The following DISP3 variants were observed in gnomAD, a reference collection of about 807,000 sequenced individuals.
DISP3 encodes the protein dispatched RND transporter family member 3, also known as protein dispatched homolog 3.
A neutral mutation model predicts 135.3 loss-of-function variants in DISP3; 101 were observed. The observed-to-expected ratio is 0.75, with a 90% CI of 0.64 to 0.88. DISP3 has a LOEUF of 0.88. Among genes scored for constraint, DISP3 ranks in the 40% least tolerant of loss-of-function variants. DISP3 has a pLI of 0.00. For synonymous variants in DISP3, 856 were observed against 817.0 expected (o/e 1.05, Z -0.81); for missense variants, 1,713 against 1,878.6 (o/e 0.91, Z 1.63).
At position 11,520,822 on chromosome 1, in the gene DISP3, AG is replaced by A. The variant is rs1642166113; in HGVS notation, c.2339del (p.Gly780AlafsTer57). On this transcript the variant is annotated frameshift_variant, in exon 10 of 21. Transcript: ENST00000294484. LOFTEE classifies it high-confidence loss of function. This position sits in a 1 kb window ranked among gnomAD's most constrained non-coding sequence, Gnocchi z 4.8. ...GACCTCAAGTACAACCTGAGCGCCG[AG>A]GGCATCTCCTGCATCACCTGTTCAG... Reference protein sequence around the residue: ...LLDLKYNLSAEGISCITCSGL... With the variant: ...LLDLKYNLSAXGISCITCSGL... 6.2e-7 allele frequency: 1 copy of A among 1,610,886 alleles called. No individual in the cohort carries two copies. The highest frequency in any genetic ancestry group is 8.5e-7 in the Non-Finnish European group (1 of 1,178,928).
chr1:11,522,889 CA>C (rs1557615669), intron 10 of DISP3, among the ~76,000 whole-genome samples: 9 of 123,904 alleles, frequency 7.3e-5, no homozygotes, highest in East Asian at 5.3e-4. Flanking sequence ...AGAGCCCAGC[CA>C]GGACCCAGCC....
chr1:11,527,346 G>A (rs146535207), intron 13 of DISP3, among the ~76,000 whole-genome samples: 7 of 152,098 alleles, frequency 4.6e-5, no homozygotes, highest in Admixed American at 6.5e-5. Context: ...TCAGCCGATC[G>A]AGACCATCCT....
chr1:11,512,876 G>GC (rs1641896429), intron 3 of DISP3, among the ~76,000 whole-genome samples: 1 of 152,108 alleles, frequency 6.6e-6, no homozygotes, highest in Non-Finnish European at 1.5e-5. Flanking sequence ...GAGGCAAAAG[G>GC]CACTTCTTAC....
chr1:11,488,679 G>A (rs985952331), intron 1 of DISP3, among the ~76,000 whole-genome samples: 10 of 150,850 alleles, frequency 6.6e-5, no homozygotes, highest in Admixed American at 4.6e-4. Flanking sequence ...TTGCAGACAC[G>A]TGCGTGCATG....
chr1:11,533,152 C>T (rs1288945342), intron 17 of DISP3, among the ~76,000 whole-genome samples: 1 of 152,056 alleles, frequency 6.6e-6, no homozygotes, highest in East Asian at 1.9e-4. Flanking sequence ...CCCCCTCCCA[C>T]AGCCACTGGC....
chr1:11,501,780 T>C lies in DISP3; in HGVS notation c.788T>C (p.Val263Ala). The change falls in exon 2 of 21, where the codon GTG (valine) becomes GCG (alanine). Residue 263 changes from valine to alanine, a missense_variant. Physicochemically the swap from Val to Ala is moderately conservative, Grantham distance 64 (BLOSUM62 0). This residue lies in a region of DISP3 where 571 missense variants were observed against 494.1 expected (regional missense o/e 1.16). Coordinates refer to ENST00000294484, the MANE Select transcript of DISP3 (RefSeq NM_020780.2). This position sits in a 1 kb window ranked among gnomAD's most constrained non-coding sequence, Gnocchi z 4.9. ...ASRWDYSRAYVSANTQTHAHW... is the reference protein window; with the variant it reads ...ASRWDYSRAYASANTQTHAHW... ...CGCTGGGACTACTCGCGCGCCTATGTGAGTGCCAACACTCAGACGCACGCG... is the reference window on the plus strand; with the variant it reads ...CGCTGGGACTACTCGCGCGCCTATGCGAGTGCCAACACTCAGACGCACGCG... 6.3e-7 allele frequency: 1 copy of C among 1,598,116 alleles called. No homozygotes were observed.
rs147583284 is a variant in DISP3, at chr1:11,496,607, C to T, written c.-3-4383C>T. Among the ~76,000 whole-genome samples the T allele has an allele frequency of 7.9e-4, 120 of 152,316 alleles. 1 individual carries two copies. The highest frequency in any genetic ancestry group is 3.4e-3 in the Middle Eastern group (1 of 294). On this transcript the variant is annotated intron_variant, in intron 1 of 20. Coordinates refer to ENST00000294484, the MANE Select transcript of DISP3 (RefSeq NM_020780.2). Reference sequence around the variant, plus strand: ...CCTTGCTAAGCTAATCAATTCCCATCATTTGAGGAAGGAAAACAAATTTAC... The same window carrying T: ...CCTTGCTAAGCTAATCAATTCCCATTATTTGAGGAAGGAAAACAAATTTAC...
In DISP3 at chr1:11,536,736, C is replaced by T. The variant is rs1356549852; in HGVS notation, c.*50C>T. On this transcript the variant is annotated 3_prime_UTR_variant, in exon 21 of 21. Coordinates refer to ENST00000294484, the MANE Select transcript of DISP3 (RefSeq NM_020780.2). This position sits in a 1 kb window ranked among gnomAD's most constrained non-coding sequence, Gnocchi z 4.3. ...CACCTTTGGTCCCATGGGTGGGGGA[C>T]AGGAGCTGCTTCCCAGCTCGACTTC... 1 of 1,465,376 alleles carries T rather than the reference C, an allele frequency of 6.8e-7. No homozygotes were observed. Among genetic ancestry groups the T allele is most frequent in the Non-Finnish European group, 9.0e-7 (1 of 1,112,148 alleles). The allele number at this position is 1,465,376 out of a possible 1,614,324, so 90.8% of individuals were successfully genotyped here.
Position 11,523,934 on chromosome 1 carries a change from G to T in DISP3, c.2363-8G>T. The T allele has an allele frequency of 1.2e-6, 2 of 1,608,136 alleles. No individual in the cohort carries two copies. Among genetic ancestry groups the T allele is most frequent in the Non-Finnish European group, 1.7e-6 (2 of 1,175,650 alleles). ...TCCTGCTGTCCTTGACATGGCGCTG[G>T]GGGGCAGGTCTGTTCCAGGAGAAGC... On this transcript the variant is annotated splice_region_variant and splice_polypyrimidine_tract_variant and intron_variant, in intron 10 of 20. Coordinates refer to ENST00000294484, the MANE Select transcript of DISP3 (RefSeq NM_020780.2).
chr1:11,484,662 T>C (rs1640987812), intron 1 of DISP3, among the ~76,000 whole-genome samples: 1 of 152,210 alleles, frequency 6.6e-6, no homozygotes, highest in African/African-American at 2.4e-5. Flanking sequence ...TTCCTCCCTC[T>C]GAGCAAACCA....
At chr1:11,517,963 C>T (rs1256468821) in intron 7 of DISP3, among the ~76,000 whole-genome samples, 2 of 152,182 alleles carry the variant, frequency 1.3e-5, no homozygotes, top group Non-Finnish European at 2.9e-5. Flanking sequence ...TGGATTTAAA[C>T]CCAAGAACTC....
intron 19 of DISP3, 66 bp downstream of exon 19, chr1:11,535,190 G>T: frequency 7.0e-7 from 1 of 1,421,968 alleles, no homozygotes; most frequent in Admixed American, 2.0e-5. Context: ...CTCCCCGGTG[G>T]CCCCAGGTAG....
intron 3 of DISP3, among the ~76,000 whole-genome samples, chr1:11,503,636 G>C (rs1427887065): frequency 1.3e-5 from 2 of 152,054 alleles, no homozygotes; most frequent in Non-Finnish European, 2.9e-5. Context: ...CATCCAGTTG[G>C]ACAGTGCCCA....
At chr1:11,524,580 G>A (rs1458290875) in intron 11 of DISP3, among the ~76,000 whole-genome samples, 2 of 150,372 alleles carry the variant, frequency 1.3e-5, no homozygotes, top group African/African-American at 4.9e-5. Context: ...CCATCCCAGT[G>A]ACTACCACCT....
At chr1:11,507,399 A>T (rs1641736385) in intron 3 of DISP3, among the ~76,000 whole-genome samples, 1 of 152,200 alleles carries the variant, frequency 6.6e-6, no homozygotes, top group Non-Finnish European at 1.5e-5. Context: ...CACAACAAAG[A>T]CAAAAATTCC....
At chr1:11,533,253 C>CTTTTTTTT (rs70983563) in intron 17 of DISP3, among the ~76,000 whole-genome samples, 1 of 103,986 alleles carries the variant, frequency 9.6e-6, no homozygotes, top group South Asian at 3.5e-4. Context: ...GTGACTGTTT[C>CTTTTTTTT]TTTTTTTTTT....
chr1:11,488,894 G>A (rs1022362570), intron 1 of DISP3, among the ~76,000 whole-genome samples: 4 of 152,142 alleles, frequency 2.6e-5, no homozygotes, highest in Non-Finnish European at 5.9e-5. Flanking sequence ...GAAAACCTAC[G>A]CAAAAATGAC....
intron 1 of DISP3, among the ~76,000 whole-genome samples, chr1:11,480,835 G>A (rs947755103): frequency 6.6e-6 from 1 of 151,920 alleles, no homozygotes; most frequent in Non-Finnish European, 1.5e-5. Context: ...GCTGTGGCTC[G>A]GTGGAAGCTC....
chr1:11,529,106 T>G lies in DISP3; in HGVS notation c.2799-450T>G, dbSNP rs1312638003. On this transcript the variant is annotated intron_variant, in intron 13 of 20. Coordinates refer to ENST00000294484, the MANE Select transcript of DISP3 (RefSeq NM_020780.2). The surrounding 1 kb of genome is among the most constrained non-coding windows in gnomAD (Gnocchi z 4.7). The stretch of plus-strand genomic sequence containing the variant: ...ACTGGGTCTAGTGGTTAGCCAGCTG[T>G]TGACACTGGAGCCCTTCCTTCCTAT... Among the ~76,000 whole-genome samples, 2 of 152,306 alleles carry G rather than the reference T, an allele frequency of 1.3e-5. No individual in the cohort carries two copies. The highest frequency in any genetic ancestry group is 1.3e-4 in the Admixed American group (2 of 15,308).
Sources: gnomAD v4.1 joint callset for allele counts (sites outside exome capture counted in the v4.1 genomes callset) on GRCh38, gnomAD v4.1.1 for gene constraint, gnomAD v4.1.1 regional missense constraint, Gnocchi (gnomAD v3.1) non-coding constraint, MANE v1.5 for transcripts, NCBI Gene and HGNC (gene_info 2026-07-23, HGNC 2026-07-21) for gene names.